Variants in MACROD2 observed in about 807,000 individuals in gnomAD.
MACROD2 encodes the protein mono-ADP ribosylhydrolase 2, also known as ADP-ribose glycohydrolase MACROD2.
In MACROD2, 36 loss-of-function variants were observed where a neutral mutation model predicts 70.4. That is an observed-to-expected ratio of 0.51 (90% confidence interval 0.39 to 0.68). The LOEUF is 0.68. MACROD2 is among the 30% of genes least tolerant of loss of function. The probability of loss-of-function intolerance (pLI) is 0.00; values close to 1 mark genes in which losing one functional copy is unlikely to be tolerated. For missense variants in MACROD2, 496 were observed against 538.4 expected (o/e 0.92, Z 0.78); for synonymous variants, 172 against 178.8 (o/e 0.96, Z 0.30).
At chr20:14,851,284 C>T (rs1039292766) in intron 5 of MACROD2, among the ~76,000 whole-genome samples, 5 of 152,032 alleles carry the variant, frequency 3.3e-5, no homozygotes, top group South Asian at 2.1e-4. Context: ...ACAAATTAAC[C>T]GTCCTCTTTC....
intron 6 of MACROD2, among the ~76,000 whole-genome samples, chr20:15,345,267 G>C (rs1372823822): frequency 6.6e-6 from 1 of 152,168 alleles, no homozygotes; most frequent in Non-Finnish European, 1.5e-5. Context: ...TGAACCATGT[G>C]TGTTCATTCA....
intron 5 of MACROD2, among the ~76,000 whole-genome samples, chr20:14,985,771 T>C (rs1018491720): frequency 6.6e-6 from 1 of 151,492 alleles, no homozygotes; most frequent in Non-Finnish European, 1.5e-5. Flanking sequence ...ATTATTCTTA[T>C]TTTTATTTTT....
At chr20:16,046,534 G>C (rs2067384048) in intron 17 of MACROD2, among the ~76,000 whole-genome samples, 1 of 151,846 alleles carries the variant, frequency 6.6e-6, no homozygotes, top group South Asian at 2.1e-4. Flanking sequence ...TTTTCTTACA[G>C]ACATTATTTC....
chr20:14,417,800 C>G (rs909739605), intron 3 of MACROD2, among the ~76,000 whole-genome samples: 10 of 152,136 alleles, frequency 6.6e-5, no homozygotes, highest in Admixed American at 4.6e-4. Flanking sequence ...CAAGACTTGT[C>G]CATCATAGTC....
chr20:15,124,639 A>G (rs559613877), intron 5 of MACROD2, among the ~76,000 whole-genome samples: 1 of 152,116 alleles, frequency 6.6e-6, no homozygotes, highest in South Asian at 2.1e-4. Context: ...ATATCTCCTT[A>G]CCATTTTTTC....
chr20:15,087,845 C>G (rs1016931943), intron 5 of MACROD2, among the ~76,000 whole-genome samples: 6 of 151,620 alleles, frequency 4.0e-5, no homozygotes, highest in Admixed American at 3.9e-4. Context: ...AGACAATGAG[C>G]AAGGATATCT....
chr20:14,608,824 T>C (rs1982978723), intron 4 of MACROD2, among the ~76,000 whole-genome samples: 1 of 152,098 alleles, frequency 6.6e-6, no homozygotes, highest in Admixed American at 6.5e-5. Flanking sequence ...CCGTTTTAGA[T>C]AGAATGATCA....
At chr20:14,858,719 T>C (rs897641747) in intron 5 of MACROD2, among the ~76,000 whole-genome samples, 4 of 152,120 alleles carry the variant, frequency 2.6e-5, no homozygotes, top group African/African-American at 9.7e-5. Flanking sequence ...GCAAAAAGAT[T>C]GCAGCATACT....
At position 16,028,243 on chromosome 20, in the gene MACROD2, T is replaced by A. The variant is rs2067106659; in HGVS notation, c.1154-12958T>A. On this transcript the variant is annotated intron_variant, in intron 15 of 17. Transcript: ENST00000684519. Reference sequence around the variant, plus strand: ...GTGCATCCACCATGCTTGGTTCATATGACAGTGCTTGCCATTTGGCCTCGT... The same window carrying A: ...GTGCATCCACCATGCTTGGTTCATAAGACAGTGCTTGCCATTTGGCCTCGT... Among the ~76,000 whole-genome samples, 7 of 152,354 alleles carry A rather than the reference T, an allele frequency of 4.6e-5. No individual in the cohort carries two copies. In the South Asian group the frequency reaches 1.5e-3, roughly 32 times the overall value.
intron 12 of MACROD2, among the ~76,000 whole-genome samples, chr20:15,942,740 T>G (rs2065767346): frequency 6.6e-6 from 1 of 152,166 alleles, no homozygotes; most frequent in African/African-American, 2.4e-5. Context: ...AATAATATGC[T>G]CTGTTCTAGT....
intron 8 of MACROD2, among the ~76,000 whole-genome samples, chr20:15,571,760 A>G (rs1318556690): frequency 6.6e-6 from 1 of 152,162 alleles, no homozygotes; most frequent in African/African-American, 2.4e-5. Context: ...TTTCCAAAGT[A>G]TATTCTTAGA....
chr20:16,048,195 AC>A (rs2067410013), intron 17 of MACROD2, among the ~76,000 whole-genome samples: 1 of 152,200 alleles, frequency 6.6e-6, no homozygotes, highest in African/African-American at 2.4e-5. Context: ...TTTAAGACTT[AC>A]AGAACACACA....
chr20:14,400,681 G>A (rs2122834748), intron 3 of MACROD2, among the ~76,000 whole-genome samples: 1 of 152,282 alleles, frequency 6.6e-6, no homozygotes. Flanking sequence ...TCCTAGGGCT[G>A]ATTTTATTTG....
intron 7 of MACROD2, among the ~76,000 whole-genome samples, chr20:15,458,523 T>G (rs1206550585): frequency 2.0e-5 from 3 of 152,050 alleles, no homozygotes; most frequent in Non-Finnish European, 2.9e-5. Flanking sequence ...ACCAACATTC[T>G]TATTGACAAA....
At chr20:15,825,504 G>T (rs1054068243) in intron 8 of MACROD2, among the ~76,000 whole-genome samples, 5 of 146,810 alleles carry the variant, frequency 3.4e-5, no homozygotes, top group Admixed American at 1.4e-4. Context: ...TTTGTTGTTG[G>T]TTTTTTTTTT....
chr20:15,479,508 C>T (rs376595444), intron 7 of MACROD2, among the ~76,000 whole-genome samples: 1 of 151,802 alleles, frequency 6.6e-6, no homozygotes, highest in Non-Finnish European at 1.5e-5. Flanking sequence ...CTCCTGACCT[C>T]GTGATCCGCC....
At chr20:15,851,486 C>T (rs1256722069) in intron 8 of MACROD2, among the ~76,000 whole-genome samples, 2 of 152,022 alleles carry the variant, frequency 1.3e-5, no homozygotes, top group African/African-American at 2.4e-5. Flanking sequence ...ATGGTCTTCC[C>T]TCTGTGCATG....
At chr20:14,664,578 C>CTGAAAGAT (rs1325526622) in intron 4 of MACROD2, among the ~76,000 whole-genome samples, 3 of 151,990 alleles carry the variant, frequency 2.0e-5, no homozygotes, top group Non-Finnish European at 4.4e-5. Context: ...GCTGTAATAC[C>CTGAAAGAT]TGAAAGATGC....
intron 7 of MACROD2, among the ~76,000 whole-genome samples, chr20:15,438,985 C>T (rs1279628400): frequency 2.6e-5 from 4 of 152,192 alleles, no homozygotes; most frequent in Admixed American, 6.5e-5. Flanking sequence ...AAAAGGCATT[C>T]TCAAACTGGA....
Sources: allele counts gnomAD v4.1 joint callset (sites outside exome capture counted in the v4.1 genomes callset), GRCh38; gene constraint gnomAD v4.1.1; transcripts MANE v1.5; gene names NCBI Gene and HGNC (gene_info 2026-07-23, HGNC 2026-07-21).